The following CAMKMT variants were observed in gnomAD, a reference collection of about 807,000 sequenced individuals.
CAMKMT encodes the protein calmodulin-lysine N-methyltransferase, also known as CaM KMT.
CAMKMT carries 53 observed loss-of-function variants against 48.0 expected under a neutral mutation model. The ratio of observed to expected loss-of-function variants is 1.10; its 90% CI spans 0.89 to 1.39. The LOEUF (loss-of-function observed/expected upper bound fraction) is 1.39, where lower values mean the gene tolerates loss of function less well. Ranked by LOEUF, CAMKMT falls within the 40% of genes most tolerant of loss-of-function variation. CAMKMT has a pLI of 0.00. For synonymous variants in CAMKMT, 165 were observed against 152.3 expected (o/e 1.08, Z -0.61); for missense variants, 428 against 402.7 (o/e 1.06, Z -0.54).
intron 3 of CAMKMT, among the ~76,000 whole-genome samples, chr2:44,510,847 C>CTT (rs758652962): frequency 6.8e-6 from 1 of 147,116 alleles, no homozygotes; most frequent in Non-Finnish European, 1.5e-5. Context: ...CATTATATCA[C>CTT]TTTTTTTTTT....
chr2:44,571,869 G>C (rs1668924765), intron 3 of CAMKMT, among the ~76,000 whole-genome samples: 1 of 152,108 alleles, frequency 6.6e-6, no homozygotes. Context: ...ATTACTTGCA[G>C]AGCTTATACT....
chr2:44,477,377 C>T (rs971936819), intron 3 of CAMKMT, among the ~76,000 whole-genome samples: 1 of 152,176 alleles, frequency 6.6e-6, no homozygotes, highest in Admixed American at 6.5e-5. Context: ...TATTTATATA[C>T]AACTTTGTAT....
At chr2:44,558,923 G>A (rs1311903496) in intron 3 of CAMKMT, among the ~76,000 whole-genome samples, 1 of 150,912 alleles carries the variant, frequency 6.6e-6, no homozygotes, top group Admixed American at 6.7e-5. Context: ...CATACCCCCT[G>A]AACCTAAAAT....
intron 2 of CAMKMT, among the ~76,000 whole-genome samples, chr2:44,384,220 C>T (rs1213329317): frequency 6.6e-6 from 1 of 152,114 alleles, no homozygotes; most frequent in Non-Finnish European, 1.5e-5. Context: ...TTTCCCTGAT[C>T]ACTAGTGATG....
At chr2:44,640,225 T>A (rs904269249) in intron 3 of CAMKMT, among the ~76,000 whole-genome samples, 1 of 152,182 alleles carries the variant, frequency 6.6e-6, no homozygotes, top group African/African-American at 2.4e-5. Flanking sequence ...AGAGGCATCA[T>A]TAGAAAAATG....
intron 9 of CAMKMT, among the ~76,000 whole-genome samples, chr2:44,763,583 A>C (rs1410136226): frequency 6.6e-6 from 1 of 152,254 alleles, no homozygotes; most frequent in Non-Finnish European, 1.5e-5. Context: ...ATAACAAACA[A>C]GGATACAATG....
At chr2:44,732,246 G>T (rs1679115956) in intron 7 of CAMKMT, among the ~76,000 whole-genome samples, 1 of 152,146 alleles carries the variant, frequency 6.6e-6, no homozygotes, top group Non-Finnish European at 1.5e-5. Flanking sequence ...GAGCCATAGT[G>T]CCCAGCCAAG....
At chr2:44,587,073 C>A (rs927418316) in intron 3 of CAMKMT, among the ~76,000 whole-genome samples, 5 of 152,094 alleles carry the variant, frequency 3.3e-5, no homozygotes, top group African/African-American at 9.7e-5. Context: ...ATCTATGTAT[C>A]TTCTTTGGTT....
chr2:44,435,043 C>A (rs549766885), intron 3 of CAMKMT, among the ~76,000 whole-genome samples: 1 of 152,016 alleles, frequency 6.6e-6, no homozygotes, highest in Non-Finnish European at 1.5e-5. Context: ...TTTTGAACAA[C>A]AGTACACCAT....
chr2:44,733,080 C>T (rs866735760), intron 7 of CAMKMT, among the ~76,000 whole-genome samples: 48 of 152,082 alleles, frequency 3.2e-4, no homozygotes, highest in African/African-American at 9.9e-4. Flanking sequence ...GTTTATGATT[C>T]ATTTTGCATC....
intron 3 of CAMKMT, among the ~76,000 whole-genome samples, chr2:44,404,670 T>G (rs1682656546): frequency 6.6e-6 from 1 of 152,154 alleles, no homozygotes; most frequent in Non-Finnish European, 1.5e-5. Context: ...ACTTAATGTT[T>G]CTCTTTTCTT....
At chr2:44,743,116 C>T (rs975878149) in intron 7 of CAMKMT, among the ~76,000 whole-genome samples, 1 of 152,184 alleles carries the variant, frequency 6.6e-6, no homozygotes, top group Admixed American at 6.5e-5. Flanking sequence ...TTCACTATGC[C>T]TAAAAACCAA....
chr2:44,549,688 A>G (rs1667599748), intron 3 of CAMKMT: 1 of 558,372 alleles, frequency 1.8e-6, no homozygotes, highest in Non-Finnish European at 3.2e-6. Context: ...TTGCTTATTT[A>G]TTGGCTTAAG....
intron 3 of CAMKMT, among the ~76,000 whole-genome samples, chr2:44,702,409 A>T (rs1677306092): frequency 6.6e-6 from 1 of 152,128 alleles, no homozygotes; most frequent in Admixed American, 6.6e-5. Flanking sequence ...TAACATTAAC[A>T]ATGCTTTCTT....
chr2:44,562,317 T>A (rs1279623395), intron 3 of CAMKMT, among the ~76,000 whole-genome samples: 1 of 152,216 alleles, frequency 6.6e-6, no homozygotes, highest in Non-Finnish European at 1.5e-5. Flanking sequence ...CCCTTCTTTC[T>A]TTTCTAATCC....
intron 3 of CAMKMT, among the ~76,000 whole-genome samples, chr2:44,534,492 A>G (rs945818215): frequency 3.9e-5 from 6 of 152,200 alleles, no homozygotes; most frequent in African/African-American, 1.4e-4. Flanking sequence ...AGGCCAGAAA[A>G]CAAATCTCAA....
chr2:44,441,475 C>T (rs1279754904), intron 3 of CAMKMT, among the ~76,000 whole-genome samples: 3 of 152,082 alleles, frequency 2.0e-5, no homozygotes, highest in Non-Finnish European at 4.4e-5. Flanking sequence ...TCATGGCACA[C>T]GGCATAGTAC....
intron 3 of CAMKMT, among the ~76,000 whole-genome samples, chr2:44,508,894 G>A (rs907057165): frequency 1.3e-5 from 2 of 152,112 alleles, no homozygotes; most frequent in Middle Eastern, 3.4e-3. Context: ...TCATGAGTTC[G>A]AGACCAGCCT....
intron 3 of CAMKMT, among the ~76,000 whole-genome samples, chr2:44,414,568 A>C (rs1478499498): frequency 2.0e-5 from 3 of 152,178 alleles, no homozygotes; most frequent in African/African-American, 7.2e-5. Context: ...GAGAGTGGAC[A>C]CCCAAGATGA....
Sources: allele counts gnomAD v4.1 joint callset (sites outside exome capture counted in the v4.1 genomes callset), GRCh38; gene constraint gnomAD v4.1.1; transcripts MANE v1.5; gene names NCBI Gene and HGNC (gene_info 2026-07-23, HGNC 2026-07-21).